Variants in PDZD2 observed in about 807,000 individuals in gnomAD.
The protein encoded by PDZD2 is PDZ domain containing 2.
A neutral mutation model predicts 220.7 loss-of-function variants in PDZD2; 90 were observed. The ratio of observed to expected loss-of-function variants is 0.41; its 90% CI spans 0.34 to 0.49. The LOEUF (loss-of-function observed/expected upper bound fraction) is 0.49, where lower values mean the gene tolerates loss of function less well. PDZD2 is among the 20% of genes least tolerant of loss of function. PDZD2 has a pLI of 0.28. For missense variants in PDZD2, 3,174 were observed against 3,608.5 expected (o/e 0.88, Z 3.08); for synonymous variants, 1,375 against 1,450.5 (o/e 0.95, Z 1.18).
intron 15 of PDZD2, 59 bp downstream of exon 15, chr5:32,069,709 A>G: frequency 1.2e-6 from 1 of 857,822 alleles, no homozygotes; most frequent in Non-Finnish European, 2.0e-6. Context: ...AAGTTCACCC[A>G]CAGGCACTCC....
At chr5:31,686,953 C>T (rs1261593969) in intron 1 of PDZD2, among the ~76,000 whole-genome samples, 1 of 152,190 alleles carries the variant, frequency 6.6e-6, no homozygotes, top group Non-Finnish European at 1.5e-5. Context: ...GGAATCTCTG[C>T]TCACCTGCCA....
At chr5:31,847,105 G>A (rs1350260345) in intron 2 of PDZD2, among the ~76,000 whole-genome samples, 3 of 152,136 alleles carry the variant, frequency 2.0e-5, no homozygotes, top group African/African-American at 7.2e-5. Context: ...AAAAGTAGTT[G>A]ACATTGGGGA....
chr5:31,679,034 A>G (rs1191718736), intron 1 of PDZD2, among the ~76,000 whole-genome samples: 1 of 152,148 alleles, frequency 6.6e-6, no homozygotes, highest in Non-Finnish European at 1.5e-5. Flanking sequence ...TGTCAAAAAA[A>G]TTTTCCCTGC....
intron 1 of PDZD2, among the ~76,000 whole-genome samples, chr5:31,774,000 G>A (rs1373320884): frequency 1.3e-5 from 2 of 152,132 alleles, no homozygotes; most frequent in Non-Finnish European, 2.9e-5. Flanking sequence ...CAGCCACAGA[G>A]TCCCAGGGTG....
At chr5:32,054,748 AT>A (rs1343429938) in intron 10 of PDZD2, among the ~76,000 whole-genome samples, 2 of 152,216 alleles carry the variant, frequency 1.3e-5, no homozygotes, top group East Asian at 1.9e-4. Flanking sequence ...CTTGCAAATA[AT>A]TTTTTTAATG....
intron 1 of PDZD2, among the ~76,000 whole-genome samples, chr5:31,705,348 T>A (rs1747777901): frequency 6.6e-6 from 1 of 152,118 alleles, no homozygotes. Flanking sequence ...ACATGCTGGA[T>A]GAATTTGTAC....
chr5:32,094,844 C>A (rs183069930), intron 21 of PDZD2, among the ~76,000 whole-genome samples: 13 of 152,274 alleles, frequency 8.5e-5, no homozygotes, highest in Admixed American at 2.0e-4. Flanking sequence ...TGCCAGCGCA[C>A]TCCAGCCTGG....
intron 1 of PDZD2, among the ~76,000 whole-genome samples, chr5:31,659,616 T>C (rs2150111099): frequency 6.6e-6 from 1 of 152,300 alleles, no homozygotes; most frequent in Non-Finnish European, 1.5e-5. Flanking sequence ...TTGCAACCAC[T>C]ATCCATTGGA....
chr5:31,654,234 A>G (rs1382801397), intron 1 of PDZD2, among the ~76,000 whole-genome samples: 4 of 152,278 alleles, frequency 2.6e-5, no homozygotes, highest in Non-Finnish European at 5.9e-5. Context: ...CCCTCAAAGC[A>G]TTTGACACAC....
intron 6 of PDZD2, among the ~76,000 whole-genome samples, chr5:32,011,013 A>AG (rs1186353262): frequency 1.3e-5 from 2 of 150,300 alleles, no homozygotes; most frequent in African/African-American, 4.9e-5. Context: ...CCTCTCAAAA[A>AG]AAAAAAAAAC....
chr5:31,745,528 C>T lies in PDZD2; in HGVS notation c.-360-53361C>T, dbSNP rs115147626. ...GAGAGACATCCTTGCCCAGGTCTCACTAACTGTGAAGCCCAAATCACCTTC... is the reference window on the plus strand; with the variant it reads ...GAGAGACATCCTTGCCCAGGTCTCATTAACTGTGAAGCCCAAATCACCTTC... On this transcript the variant is annotated intron_variant, in intron 1 of 24. Transcript: ENST00000438447. 9.7e-3 allele frequency among the ~76,000 whole-genome samples: 1,472 copies of T among 152,346 alleles called. 19 individuals are homozygous for T. The highest frequency in any genetic ancestry group is 0.033 in the African/African-American group (1,374 of 41,580).
chr5:31,973,196 TAGAA>T (rs1230242199), intron 2 of PDZD2, among the ~76,000 whole-genome samples: 2 of 152,202 alleles, frequency 1.3e-5, no homozygotes, highest in Non-Finnish European at 2.9e-5. Context: ...GCTTACGTGA[TAGAA>T]AGGCCATACT....
rs200296366 is a variant in PDZD2, at chr5:31,799,347, G to A, written c.99G>A (p.Arg33=). 1.4e-5 allele frequency: 23 copies of A among 1,614,098 alleles called. No homozygotes were observed. Among genetic ancestry groups the A allele is most frequent in the Non-Finnish European group, 8.5e-7 (1 of 1,180,034 alleles). The change falls in exon 2 of 25, where the codon CGG becomes CGA. Residue 33 remains arginine (R), a synonymous_variant. Coordinates refer to ENST00000438447, the MANE Select transcript of PDZD2 (RefSeq NM_178140.4). Reference sequence around the variant, plus strand: ...AAGGTGGGGATGGGCCGGAGCAGCGGCTCTGCCAGGCGGCCATCCAGAAGC... The same window carrying A: ...AAGGTGGGGATGGGCCGGAGCAGCGACTCTGCCAGGCGGCCATCCAGAAGC... ...LQEGGDGPEQ[R]LCQAAIQKLQ...
chr5:31,927,013 A>G (rs536034648), intron 2 of PDZD2, among the ~76,000 whole-genome samples: 13 of 152,352 alleles, frequency 8.5e-5, no homozygotes, highest in African/African-American at 3.1e-4. Flanking sequence ...TGGGAGCTAA[A>G]CATTGGGTAT....
At chr5:32,036,823 G>A (rs938766674) in intron 6 of PDZD2, among the ~76,000 whole-genome samples, 4 of 152,252 alleles carry the variant, frequency 2.6e-5, no homozygotes, top group African/African-American at 9.6e-5. Flanking sequence ...GTGGGAAAAA[G>A]CACTGGCCTA....
At chr5:31,938,010 G>A (rs1745909790) in intron 2 of PDZD2, among the ~76,000 whole-genome samples, 4 of 152,232 alleles carry the variant, frequency 2.6e-5, no homozygotes, top group Admixed American at 2.0e-4. Context: ...ATAGGACAGA[G>A]ATAGTGACCC....
At chr5:31,848,111 T>C (rs931275886) in intron 2 of PDZD2, 5 of 316,576 alleles carry the variant, frequency 1.6e-5, no homozygotes, top group Admixed American at 7.0e-5. Context: ...AGCTCAAAAG[T>C]AGGCAAGCTT....
intron 8 of PDZD2, among the ~76,000 whole-genome samples, chr5:32,052,212 C>T (rs1210700216): frequency 6.6e-6 from 1 of 152,234 alleles, no homozygotes; most frequent in Non-Finnish European, 1.5e-5. Context: ...GTGGCACAAT[C>T]TCTGCTCACT....
chr5:32,004,263 G>A (rs1752636207), intron 5 of PDZD2, among the ~76,000 whole-genome samples: 1 of 152,096 alleles, frequency 6.6e-6, no homozygotes, highest in Admixed American at 6.5e-5. Flanking sequence ...GGTGGTTTTA[G>A]TTCTTTTTAT....
Sources: gnomAD v4.1 joint callset for allele counts (sites outside exome capture counted in the v4.1 genomes callset) on GRCh38, gnomAD v4.1.1 for gene constraint, MANE v1.5 for transcripts, NCBI Gene and HGNC (gene_info 2026-07-23, HGNC 2026-07-21) for gene names.